The following MACROD2 variants were observed in gnomAD, a reference collection of about 807,000 sequenced individuals.
MACROD2 encodes ADP-ribose glycohydrolase MACROD2.
Under a neutral mutation model 70.4 loss-of-function variants are expected in MACROD2, and 36 were observed. That is an observed-to-expected ratio of 0.51 (90% CI 0.39 to 0.68). The LOEUF is 0.68. MACROD2 is among the 30% of genes least tolerant of loss of function. The pLI is 0.00. For synonymous variants in MACROD2, 172 were observed against 178.8 expected, an observed-to-expected ratio of 0.96 and a Z score of 0.30; for missense variants, 496 against 538.4, an observed-to-expected ratio of 0.92 and a Z score of 0.78.
At chr20:15,287,116 C>G (rs2077499393) in intron 6 of MACROD2, among the ~76,000 whole-genome samples, 2 of 152,022 alleles carry the variant, frequency 1.3e-5, no homozygotes, top group East Asian at 1.9e-4. Flanking sequence ...GGGTTATTTT[C>G]CATAAATTCA....
intron 3 of MACROD2, among the ~76,000 whole-genome samples, chr20:14,464,871 G>C (rs1466391465): frequency 2.0e-5 from 3 of 152,076 alleles, no homozygotes; most frequent in Non-Finnish European, 4.4e-5. Flanking sequence ...ATCCTGAGTT[G>C]TAGTTTGATT....
At chr20:15,337,916 G>T (rs1221737355) in intron 6 of MACROD2, among the ~76,000 whole-genome samples, 2 of 151,708 alleles carry the variant, frequency 1.3e-5, no homozygotes, top group African/African-American at 2.4e-5. Flanking sequence ...ACTGAATCAT[G>T]TTAGTAAAGG....
intron 5 of MACROD2, among the ~76,000 whole-genome samples, chr20:15,149,043 C>T (rs976719977): frequency 5.3e-5 from 8 of 151,986 alleles, no homozygotes; most frequent in African/African-American, 1.9e-4. Flanking sequence ...GTAGGAAAGG[C>T]CTCTACCTAT....
chr20:15,947,721 A>C (rs1458010186), intron 12 of MACROD2, among the ~76,000 whole-genome samples: 1 of 152,216 alleles, frequency 6.6e-6, no homozygotes, highest in African/African-American at 2.4e-5. Flanking sequence ...AAGGAATAAA[A>C]TGGTGTGTAC....
chr20:15,403,272 G>A (rs2045954508), intron 6 of MACROD2, among the ~76,000 whole-genome samples: 1 of 152,102 alleles, frequency 6.6e-6, no homozygotes, highest in Non-Finnish European at 1.5e-5. Context: ...CTCACCTTAA[G>A]AAGTTTTTAA....
intron 4 of MACROD2, among the ~76,000 whole-genome samples, chr20:14,646,880 G>A (rs190298870): frequency 2.6e-5 from 4 of 152,086 alleles, no homozygotes; most frequent in East Asian, 1.9e-4. Context: ...CAGCAATTAC[G>A]TGTGTGTTTG....
rs115508147 is a variant in MACROD2 at position 14,483,722 on chromosome 20, T to G, written c.272-9757T>G. 6.5e-3 allele frequency among the ~76,000 whole-genome samples: 992 copies of G among 152,302 alleles called. 14 individuals carry two copies. Among genetic ancestry groups the G allele is most frequent in the African/African-American group, 0.023 (968 of 41,578 alleles). On this transcript the variant is annotated intron_variant, in intron 3 of 17. Transcript: ENST00000684519. ...TGCCCAGCCTATCTTCTCAAGTTTT[T>G]AAACCTTAAGCTTCTAAAGTATACT...
chr20:15,284,590 G>C (rs2077475093), intron 6 of MACROD2, among the ~76,000 whole-genome samples: 1 of 152,030 alleles, frequency 6.6e-6, no homozygotes, highest in African/African-American at 2.4e-5. Context: ...GTATTTTTGG[G>C]TCTGGGATGA....
chr20:14,542,526 A>G (rs1176930762), intron 4 of MACROD2, among the ~76,000 whole-genome samples: 1 of 152,218 alleles, frequency 6.6e-6, no homozygotes, highest in Admixed American at 6.5e-5. Context: ...CAATGAATGA[A>G]TACTTAACAT....
chr20:14,222,190 TTA>T (rs139511119), intron 3 of MACROD2, among the ~76,000 whole-genome samples: 23,706 of 152,094 alleles, frequency 0.16, 2,605 homozygotes, highest in African/African-American at 0.3. Context: ...ATTTTTATAC[TTA>T]TCACAGCACA....
intron 5 of MACROD2, among the ~76,000 whole-genome samples, chr20:15,082,601 C>G (rs1044474899): frequency 7.7e-6 from 1 of 129,360 alleles, no homozygotes; most frequent in Admixed American, 9.5e-5. Flanking sequence ...TTGCAACATG[C>G]AAGATGTTAT....
At chr20:14,930,159 C>G (rs1458778354) in intron 5 of MACROD2, among the ~76,000 whole-genome samples, 1 of 40,680 alleles carries the variant, frequency 2.5e-5, no homozygotes. Flanking sequence ...GAGACTCCGT[C>G]TCAAAAAAAA....
Position 14,156,418 on chromosome 20 carries a change from A to G in MACROD2, c.271+70690A>G, listed in dbSNP as rs375093386. ...GAAATGCTAGAATTCATAACCCACTATCTTCATTTCCTCCAGGCTAGTAGC... is the reference window on the plus strand; with the variant it reads ...GAAATGCTAGAATTCATAACCCACTGTCTTCATTTCCTCCAGGCTAGTAGC... On this transcript the variant is annotated intron_variant, in intron 3 of 17. Transcript: ENST00000684519. Among the ~76,000 whole-genome samples, 8 of 152,320 alleles carry G rather than the reference A, an allele frequency of 5.3e-5. No individual in the cohort carries two copies. In the East Asian group the frequency reaches 7.7e-4, roughly 15 times the overall value.
chr20:15,317,904 G>A (rs2077831295), intron 6 of MACROD2, among the ~76,000 whole-genome samples: 1 of 152,092 alleles, frequency 6.6e-6, no homozygotes, highest in Admixed American at 6.5e-5. Flanking sequence ...AAAACACCCA[G>A]AATGATGTTT....
chr20:15,553,657 C>T (rs1229903877), intron 8 of MACROD2, among the ~76,000 whole-genome samples: 2 of 152,084 alleles, frequency 1.3e-5, no homozygotes, highest in African/African-American at 4.8e-5. Context: ...TAAGATCAAG[C>T]GATCCACCTG....
At chr20:15,202,487 C>T (rs1426689944) in intron 5 of MACROD2, among the ~76,000 whole-genome samples, 1 of 152,110 alleles carries the variant, frequency 6.6e-6, no homozygotes, top group East Asian at 1.9e-4. Context: ...CTTGACTCAG[C>T]CCATGGTTTT....
chr20:14,018,914 C>T (rs1601119543), intron 2 of MACROD2, among the ~76,000 whole-genome samples: 1 of 152,264 alleles, frequency 6.6e-6, no homozygotes, highest in Middle Eastern at 3.4e-3. Flanking sequence ...AATCTGTCTC[C>T]TTAAGCTAGG....
At chr20:14,745,310 C>A (rs935731363) in intron 5 of MACROD2, among the ~76,000 whole-genome samples, 1 of 152,134 alleles carries the variant, frequency 6.6e-6, no homozygotes, top group Non-Finnish European at 1.5e-5. Context: ...GGAGAATGTA[C>A]TTCTTGCTAA....
At chr20:15,849,423 G>A (rs977805852) in intron 8 of MACROD2, among the ~76,000 whole-genome samples, 5 of 152,150 alleles carry the variant, frequency 3.3e-5, no homozygotes, top group African/African-American at 1.2e-4. Context: ...TGGAAATGTC[G>A]AGAAAACGAT....
Sources: gnomAD v4.1 joint callset for allele counts (sites outside exome capture counted in the v4.1 genomes callset) on GRCh38, gnomAD v4.1.1 for gene constraint, MANE v1.5 for transcripts, NCBI Gene and HGNC (gene_info 2026-07-23, HGNC 2026-07-21) for gene names.